Variants in RAPGEF2 observed in about 807,000 individuals in gnomAD.
RAPGEF2 encodes PDZ domain containing guanine nucleotide exchange factor (GEF) 1.
In RAPGEF2, 54 loss-of-function variants were observed where a neutral mutation model predicts 186.7. The ratio of observed to expected loss-of-function variants is 0.29; its 90% confidence interval spans 0.23 to 0.36. The LOEUF (loss-of-function observed/expected upper bound fraction) is 0.36. RAPGEF2 is among the 10% of genes least tolerant of loss of function. The pLI, the probability that RAPGEF2 is intolerant of heterozygous loss-of-function variation, is 1.00. For missense variants in RAPGEF2, 1,532 were observed against 2,045.0 expected (o/e 0.75, Z 4.84); for synonymous variants, 712 against 705.9 (o/e 1.01, Z -0.14).
rs531646826 is a variant in RAPGEF2, at chr4:159,181,575, C to CTTTTT, written c.70-5050_70-5046dup. On this transcript the variant is annotated intron_variant, in intron 1 of 29. Transcript: ENST00000691494. ...AGCTCCTCAGAAATGGGAAGACAGT[C>CTTTTT]TTTTTTTTTTTTTTTTTTTTTGAGA... is the stretch of plus-strand genomic sequence containing the variant. 1.6e-3 allele frequency among the ~76,000 whole-genome samples: 191 copies of CTTTTT among 121,370 alleles called. 1 individual carries two copies. Among genetic ancestry groups the CTTTTT allele is most frequent in the African/African-American group, 5.8e-3 (179 of 30,888 alleles). 79.6% of individuals were successfully genotyped at this position (121,370 alleles called of 152,430 possible).
chr4:159,330,644 CAAAA>C (rs200543450), intron 13 of RAPGEF2, 146 bp downstream of exon 13: 14 of 572,136 alleles, frequency 2.4e-5, no homozygotes, highest in East Asian at 1.4e-4. Flanking sequence ...AACAAAAAAA[CAAAA>C]AAAAAGGTGA....
intron 1 of RAPGEF2, among the ~76,000 whole-genome samples, chr4:159,174,890 G>A (rs951778653): frequency 4.0e-5 from 6 of 151,720 alleles, no homozygotes; most frequent in African/African-American, 1.2e-4. Context: ...TCCAGTAACT[G>A]GGACCACAGG....
At chr4:159,225,524 A>G (rs368895170) in intron 4 of RAPGEF2, among the ~76,000 whole-genome samples, 1 of 152,202 alleles carries the variant, frequency 6.6e-6, no homozygotes, top group African/African-American at 2.4e-5. Context: ...GATGGATAGC[A>G]TGGTAAATGT....
intron 25 of RAPGEF2, among the ~76,000 whole-genome samples, chr4:159,347,253 TATTA>T (rs1238887502): frequency 2.0e-5 from 3 of 152,248 alleles, no homozygotes; most frequent in African/African-American, 7.2e-5. Context: ...GTTATGTGTC[TATTA>T]ATTTAATTTT....
chr4:159,135,570 T>C (rs1291304925), intron 1 of RAPGEF2, among the ~76,000 whole-genome samples: 2 of 152,180 alleles, frequency 1.3e-5, no homozygotes, highest in Non-Finnish European at 2.9e-5. Flanking sequence ...GGTGAAGATC[T>C]TTTCAAATAT....
intron 1 of RAPGEF2, among the ~76,000 whole-genome samples, chr4:159,116,251 T>G (rs1186605256): frequency 6.6e-6 from 1 of 151,430 alleles, no homozygotes; most frequent in African/African-American, 2.4e-5. Context: ...AAAAAAACAA[T>G]CCCTTCAAAA....
At chr4:159,190,168 A>G (rs977396488) in intron 2 of RAPGEF2, among the ~76,000 whole-genome samples, 1 of 152,234 alleles carries the variant, frequency 6.6e-6, no homozygotes, top group African/African-American at 2.4e-5. Context: ...AGGCACAGTA[A>G]GTAAGTAAAA....
At chr4:159,202,882 G>T (rs56232666) in intron 3 of RAPGEF2, among the ~76,000 whole-genome samples, 1 of 152,082 alleles carries the variant, frequency 6.6e-6, no homozygotes, top group Non-Finnish European at 1.5e-5. Context: ...GATTACAGGC[G>T]TGAGCCACTG....
rs933702532 is a variant in RAPGEF2, at chr4:159,192,306, GA to G, written c.141-887del. 2.2e-3 allele frequency among the ~76,000 whole-genome samples: 334 copies of G among 152,108 alleles called. 2 individuals carry two copies. The highest frequency in any genetic ancestry group is 7.4e-3 in the African/African-American group (306 of 41,512). ...CGGTGGTGGGAACGCGAAGAACAAG[GA>G]AAAAAAGTACCAAAGAGAGCTGTTT... On this transcript the variant is annotated intron_variant, in intron 2 of 29. Transcript: ENST00000691494.
intron 1 of RAPGEF2, among the ~76,000 whole-genome samples, chr4:159,151,814 G>A (rs530083013): frequency 5.9e-5 from 9 of 152,230 alleles, no homozygotes; most frequent in African/African-American, 2.2e-4. Flanking sequence ...AAACTTTAAA[G>A]CTTTGCATCT....
intron 1 of RAPGEF2, among the ~76,000 whole-genome samples, chr4:159,118,050 A>G (rs980507472): frequency 1.2e-4 from 19 of 152,130 alleles, no homozygotes; most frequent in Non-Finnish European, 2.2e-4. Flanking sequence ...GATTAAATAC[A>G]TTAATGCAGG....
chr4:159,348,242 AGATGGATGGATGGATG>A (rs57748987), intron 25 of RAPGEF2, among the ~76,000 whole-genome samples: 106 of 145,062 alleles, frequency 7.3e-4, no homozygotes, highest in Non-Finnish European at 9.5e-4. Context: ...ATAGATAGAT[AGATGGATGGATGGATG>A]GATGGATGGA....
At chr4:159,114,694 T>C (rs1320291792) in intron 1 of RAPGEF2, among the ~76,000 whole-genome samples, 1 of 152,216 alleles carries the variant, frequency 6.6e-6, no homozygotes, top group Non-Finnish European at 1.5e-5. Context: ...GAATATTCCA[T>C]GTATGTTAAG....
At chr4:159,284,926 G>A (rs1402110503) in intron 7 of RAPGEF2, among the ~76,000 whole-genome samples, 1 of 152,066 alleles carries the variant, frequency 6.6e-6, no homozygotes, top group African/African-American at 2.4e-5. Flanking sequence ...GGTGGAGCAT[G>A]CCTGTGGTTC....
intron 1 of RAPGEF2, among the ~76,000 whole-genome samples, chr4:159,146,032 CT>C (rs796872300): frequency 2.7e-5 from 4 of 150,016 alleles, no homozygotes; most frequent in Admixed American, 6.6e-5. Context: ...GTAACAGTAT[CT>C]TTTTTTTTTC....
rs112866570 is a variant in RAPGEF2, at chr4:159,233,726, T to C, written c.282-5083T>C. ...ATCTCACAAATCACTAAAGAACTTA[T>C]GTAACCAAGTGCCACCTATTCCCCA... On this transcript the variant is annotated intron_variant, in intron 4 of 29. Transcript: ENST00000691494. Among the ~76,000 whole-genome samples, 518 of 152,148 alleles carry C rather than the reference T, an allele frequency of 3.4e-3. 2 individuals carry two copies. The highest frequency in any genetic ancestry group is 0.011 in the African/African-American group (469 of 41,510).
chr4:159,330,550 ATACTT>A lies in RAPGEF2; in HGVS notation c.1467+55_1467+59del, dbSNP rs1766545392. On this transcript the variant is annotated intron_variant, in intron 13 of 29. Transcript: ENST00000691494. Reference sequence around the variant, plus strand: ...TTAAATATGAAATGTAAACCTAAAGATACTTTAATGTGTATATTTGTCACAGCAAT... The same window carrying A: ...TTAAATATGAAATGTAAACCTAAAGATAATGTGTATATTTGTCACAGCAAT... 5 of 1,314,370 alleles carry A rather than the reference ATACTT, an allele frequency of 3.8e-6. No homozygotes were observed. In the African/African-American group the frequency reaches 7.5e-5, roughly 20 times the overall value. The allele number at this position is 1,314,370 out of a possible 1,614,324, so 81.4% of individuals were successfully genotyped here.
chr4:159,186,653 A>G lies in RAPGEF2; in HGVS notation c.81A>G (p.Ile27Met). Residue 27 changes from isoleucine to methionine, a missense_variant, in exon 2 of 30, where the codon ATA becomes ATG. Physicochemically the swap from Ile to Met is conservative, Grantham distance 10 (BLOSUM62 1). Around this residue, in one of 4 missense-constraint regions of RAPGEF2, gnomAD observed 810 missense variants for 1,210.5 expected, o/e 0.67. Coordinates refer to ENST00000691494, the MANE Select transcript of RAPGEF2 (RefSeq NM_001394067.2). The part of the protein sequence containing the change: ...PPERTPQDLE[I>M]VYSYLHGMEA... ...TTTCTTTGAAACAGGATCTGGAAAT[A>G]GTATATTCCTATTTACATGGTATGG... 6.9e-7 allele frequency: 1 copy of G among 1,441,188 alleles called. No homozygotes were observed. The allele number at this position is 1,441,188 out of a possible 1,614,324, so 89.3% of individuals were successfully genotyped here.
intron 7 of RAPGEF2, among the ~76,000 whole-genome samples, chr4:159,287,816 G>A (rs1282165641): frequency 6.6e-6 from 1 of 152,104 alleles, no homozygotes; most frequent in African/African-American, 2.4e-5. Context: ...TCTACTTTAA[G>A]CAGTGGCATA....
Sources: allele counts gnomAD v4.1 joint callset (sites outside exome capture counted in the v4.1 genomes callset), GRCh38; gene constraint gnomAD v4.1.1; regional missense constraint gnomAD v4.1.1; transcripts MANE v1.5; gene names NCBI Gene and HGNC (gene_info 2026-07-23, HGNC 2026-07-21).